Variants in SEC16B observed in about 807,000 individuals in gnomAD.
SEC16B encodes the protein SEC16 homolog B, endoplasmic reticulum export factor, also known as protein transport protein Sec16B.
Under a neutral mutation model 141.8 loss-of-function variants are expected in SEC16B, and 115 were observed. That is an observed-to-expected ratio of 0.81 (90% CI 0.70 to 0.95). The LOEUF is 0.95. SEC16B is among the 40% of genes least tolerant of loss of function. The probability of loss-of-function intolerance (pLI) is 0.00; values close to 1 mark genes in which losing one functional copy is unlikely to be tolerated. For missense variants in SEC16B, 1,291 were observed against 1,312.3 expected (o/e 0.98, Z 0.25); for synonymous variants, 493 against 492.5 (o/e 1.00, Z -0.01).
At position 177,958,881 on chromosome 1, in the gene SEC16B, G is replaced by A; in HGVS notation, c.1093C>T (p.Leu365=). The A allele has an allele frequency of 1.2e-6, 2 of 1,613,844 alleles. No individual in the cohort carries two copies. Among genetic ancestry groups the A allele is most frequent in the Non-Finnish European group, 1.7e-6 (2 of 1,179,778 alleles). The stretch of plus-strand genomic sequence containing the variant: ...AGGAGAACCAAGAGCTGCCACAGTA[G>A]AGCTGAGTCTCTGCTCCCCAGTGTC... ...SETLGSRDSA[L]LWQLLVLLCR... Residue 365 remains leucine, a synonymous_variant, in exon 9 of 26, where the codon CTA becomes TTA. Coordinates refer to ENST00000308284, the MANE Select transcript of SEC16B (RefSeq NM_033127.4).
chr1:177,973,521 T>C (rs1342523041), upstream of SEC16B, among the ~76,000 whole-genome samples: 1 of 152,210 alleles, frequency 6.6e-6, no homozygotes, highest in African/African-American at 2.4e-5. Context: ...AACCATCAAA[T>C]GTGTTATTGT....
At chr1:177,979,869 TATC>T in intron 1 of SEC16B, among the ~76,000 whole-genome samples, 1 of 152,272 alleles carries the variant, frequency 6.6e-6, no homozygotes, top group Admixed American at 6.5e-5. Context: ...ACTTACTCAC[TATC>T]ATGAGAAGAG....
rs201001599 is a variant in SEC16B, at chr1:177,958,180, C to A, written c.1317G>T (p.Ala439=). The A allele has an allele frequency of 1.3e-6, 2 of 1,593,370 alleles. No individual in the cohort carries two copies. The highest frequency in any genetic ancestry group is 1.7e-6 in the Non-Finnish European group (2 of 1,168,980). ...GEIPPSVETP[A]QIVEKFTRLL... ...GCCTAGTGAATTTCTCCACGATCTG[C>A]GCAGGTGTCTCCACACTGGGGGGGA... The change falls in exon 10 of 26, where the codon GCG becomes GCT. Residue 439 remains alanine (A), a synonymous_variant. Transcript: ENST00000308284.
intron 1 of SEC16B, among the ~76,000 whole-genome samples, chr1:177,979,429 A>T (rs2102029045): frequency 6.6e-6 from 1 of 152,326 alleles, no homozygotes; most frequent in African/African-American, 2.4e-5. Context: ...GGATGCATAC[A>T]TGTGTTTAAA....
In SEC16B at chr1:177,946,460, C is replaced by T. The variant is rs531746000; in HGVS notation, c.1735G>A (p.Val579Met). ...MAHVPFGHYTVKTDHLVLLGS... is the reference protein window; with the variant it reads ...MAHVPFGHYTMKTDHLVLLGS... Reference sequence around the variant, plus strand: ...AGCAAGACCAGATGGTCTGTCTTCACGGTGTAGTGGCCAAAGGGCACGTGA... The same window carrying T: ...AGCAAGACCAGATGGTCTGTCTTCATGGTGTAGTGGCCAAAGGGCACGTGA... Residue 579 changes from valine to methionine, a missense_variant, in exon 14 of 26, where the codon GTG (valine) becomes ATG (methionine). Coordinates refer to ENST00000308284, the MANE Select transcript of SEC16B (RefSeq NM_033127.4). 133 of 1,582,206 alleles carry T rather than the reference C, an allele frequency of 8.4e-5. 1 individual carries two copies. The highest frequency in any genetic ancestry group is 8.4e-4 in the South Asian group (72 of 86,056).
chr1:177,967,046 G>T (rs1380635302), intron 2 of SEC16B, among the ~76,000 whole-genome samples: 1 of 152,104 alleles, frequency 6.6e-6, no homozygotes, highest in Non-Finnish European at 1.5e-5. Context: ...TACAGACCAG[G>T]GAAGCAGGAA....
chr1:177,947,051 G>T (rs1182514871), intron 13 of SEC16B, among the ~76,000 whole-genome samples: 1 of 152,158 alleles, frequency 6.6e-6, no homozygotes, highest in African/African-American at 2.4e-5. Flanking sequence ...CTAGCACAGT[G>T]CCTGGCCCCC....
chr1:177,950,889 A>G (rs976179146), intron 12 of SEC16B, among the ~76,000 whole-genome samples: 3 of 146,726 alleles, frequency 2.0e-5, no homozygotes, highest in African/African-American at 7.5e-5. Context: ...AGGAAGGAGG[A>G]AGGAAGGAAA....
At chr1:177,948,130 TAGAC>T in intron 12 of SEC16B, among the ~76,000 whole-genome samples, 188 bp from the exon 13 acceptor site, 1 of 152,258 alleles carries the variant, frequency 6.6e-6, no homozygotes, top group East Asian at 1.9e-4. Flanking sequence ...AGGACACAGA[TAGAC>T]AGATACGTGT....
intron 1 of SEC16B, among the ~76,000 whole-genome samples, chr1:177,978,274 G>A (rs991455198): frequency 1.3e-5 from 2 of 152,324 alleles, no homozygotes; most frequent in South Asian, 2.1e-4. Flanking sequence ...ATAATGTACT[G>A]TGCATGGCCT....
At position 177,937,451 on chromosome 1, in the gene SEC16B, A is replaced by ACACC. The variant is rs1650935503; in HGVS notation, c.2265_2266insGGTG (p.Ser756GlyfsTer9). On this transcript the variant is annotated frameshift_variant, in exon 19 of 26. Transcript: ENST00000308284. LOFTEE classifies it high-confidence loss of function. ...TGCTCAGGTGTCAGCCACAGAGCTG[A>ACACC]GCGGTACCCAGGGGCTTCAGAGTAG... 6.2e-7 allele frequency: 1 copy of ACACC among 1,603,538 alleles called. No individual in the cohort carries two copies. The highest frequency in any genetic ancestry group is 1.3e-5 in the African/African-American group (1 of 74,666).
chr1:177,976,905 A>C (rs1368429890), intron 1 of SEC16B, among the ~76,000 whole-genome samples: 3 of 152,224 alleles, frequency 2.0e-5, no homozygotes, highest in African/African-American at 7.2e-5. Flanking sequence ...CAGGAAAAAA[A>C]TAATGGGCTA....
chr1:177,943,153 A>G (rs764310280), intron 15 of SEC16B, among the ~76,000 whole-genome samples: 19 of 152,202 alleles, frequency 1.2e-4, no homozygotes, highest in Non-Finnish European at 2.4e-4. Flanking sequence ...AAGCAGCACC[A>G]AAATAACTGA....
chr1:177,949,654 C>A (rs1404010484), intron 12 of SEC16B, among the ~76,000 whole-genome samples: 1 of 152,136 alleles, frequency 6.6e-6, no homozygotes, highest in East Asian at 1.9e-4. Flanking sequence ...GCACCAAAAT[C>A]CCCATAAAGA....
chr1:177,942,154 C>T (rs1651326340), intron 15 of SEC16B, 114 bp from the exon 16 acceptor site: 1 of 1,166,182 alleles, frequency 8.6e-7, no homozygotes, highest in Non-Finnish European at 1.2e-6. Flanking sequence ...CTCTGGCATC[C>T]AAATACCAAG....
At chr1:177,946,098 T>G in intron 14 of SEC16B, 1 of 562,178 alleles carries the variant, frequency 1.8e-6, no homozygotes, top group South Asian at 2.4e-5. Context: ...ACATGTAAAA[T>G]GTTGTTTTTT....
In SEC16B at chr1:177,947,889, C is replaced by T. The variant is rs925976563; in HGVS notation, c.1599G>A (p.Leu533=). Residue 533 remains leucine, a synonymous_variant, in exon 13 of 26, where the codon CTG becomes CTA. Transcript: ENST00000308284. The stretch of plus-strand genomic sequence containing the variant: ...GCTCTGGGTCCCCAGCCTGATTCGA[C>T]AGAATCACAGCCAAGTGAGGCCTCC... ...GDWRPHLAVI[L]SNQAGDPELY... The T allele has an allele frequency of 3.2e-6, 5 of 1,560,358 alleles. No individual in the cohort carries two copies. Among genetic ancestry groups the T allele is most frequent in the African/African-American group, 2.7e-5 (2 of 73,282 alleles).
Position 177,933,231 on chromosome 1 carries a change from C to G in SEC16B, c.2806G>C (p.Asp936His), listed in dbSNP as rs1650578639. The G allele has an allele frequency of 1.3e-5, 20 of 1,586,434 alleles. No individual in the cohort carries two copies. Among genetic ancestry groups the G allele is most frequent in the Non-Finnish European group, 1.6e-5 (19 of 1,166,056 alleles). The change falls in exon 22 of 26, where the codon GAC becomes CAC. Residue 936 changes from aspartate to histidine, a missense_variant. Physicochemically the swap from Asp to His is moderately conservative, Grantham distance 81. Coordinates refer to ENST00000308284, the MANE Select transcript of SEC16B (RefSeq NM_033127.4). ...GAGCCTACCTCAGAGTCAGGGCTGT[C>G]TGAGGAGTCCTCGTCTCCAGCGGGG... is the stretch of plus-strand genomic sequence containing the variant. ...ASPAGDEDSSDSPDSEETPRA... is the reference protein window; with the variant it reads ...ASPAGDEDSSHSPDSEETPRA...
chr1:177,979,862 TACTC>T (rs1654333567), intron 1 of SEC16B, among the ~76,000 whole-genome samples: 1 of 152,046 alleles, frequency 6.6e-6, no homozygotes, highest in Non-Finnish European at 1.5e-5. Context: ...TCGTGAAACT[TACTC>T]ACTATCATGA....
Sources: gnomAD v4.1 joint callset for allele counts (sites outside exome capture counted in the v4.1 genomes callset) on GRCh38, gnomAD v4.1.1 for gene constraint, MANE v1.5 for transcripts, NCBI Gene and HGNC (gene_info 2026-07-23, HGNC 2026-07-21) for gene names.